HECW1: variants seen among roughly 807,000 people sequenced by gnomAD.
HECW1 encodes HECT, C2 and WW domain containing E3 ubiquitin protein ligase 1.
In HECW1, 61 loss-of-function variants were observed where a neutral mutation model predicts 182.3. The ratio of observed to expected loss-of-function variants is 0.33; its 90% confidence interval spans 0.27 to 0.41. The LOEUF (loss-of-function observed/expected upper bound fraction) is 0.41, where lower values mean the gene tolerates loss of function less well. Among genes scored for constraint, HECW1 ranks in the 10% least tolerant of loss-of-function variants. HECW1 has a pLI of 1.00. For missense variants in HECW1, 1,739 were observed against 2,108.9 expected, an observed-to-expected ratio of 0.82 and a Z score of 3.44; for synonymous variants, 859 against 832.6, an observed-to-expected ratio of 1.03 and a Z score of -0.55.
At chr7:43,372,949 G>T (rs2074169996) in intron 6 of HECW1, among the ~76,000 whole-genome samples, 1 of 152,026 alleles carries the variant, frequency 6.6e-6, no homozygotes, top group Non-Finnish European at 1.5e-5. Flanking sequence ...CCATTCCTAT[G>T]GGAATGATAA....
chr7:43,445,718 A>G (rs1005263496), intron 11 of HECW1, 148 bp downstream of exon 11: 35 of 973,290 alleles, frequency 3.6e-5, no homozygotes, highest in South Asian at 1.2e-4. Flanking sequence ...ACATGTGTGC[A>G]TGTGTATCTG....
At chr7:43,283,296 C>G (rs546766188) in intron 3 of HECW1, among the ~76,000 whole-genome samples, 1 of 152,102 alleles carries the variant, frequency 6.6e-6, no homozygotes, top group South Asian at 2.1e-4. Context: ...GAGTGAACAC[C>G]GGAGTTTTTC....
At chr7:43,505,428 G>A (rs2079536553) in intron 21 of HECW1, among the ~76,000 whole-genome samples, 1 of 152,198 alleles carries the variant, frequency 6.6e-6, no homozygotes, top group South Asian at 2.1e-4. Context: ...TCTGCAGGAA[G>A]ATGAATGTTT....
intron 13 of HECW1, among the ~76,000 whole-genome samples, chr7:43,460,848 G>A (rs982301372): frequency 3.3e-5 from 5 of 152,160 alleles, no homozygotes; most frequent in Non-Finnish European, 4.4e-5. Flanking sequence ...GAGGTCAGAC[G>A]TAGGGTCAAA....
chr7:43,221,541 T>TTG (rs1796953510), intron 2 of HECW1, among the ~76,000 whole-genome samples: 1 of 20,024 alleles, frequency 5.0e-5, no homozygotes, highest in African/African-American at 4.4e-4. Flanking sequence ...AATTAGGTTT[T>TTG]TTTTTTTTTT....
intron 3 of HECW1, among the ~76,000 whole-genome samples, chr7:43,292,439 C>T (rs1285318402): frequency 6.6e-6 from 1 of 152,184 alleles, no homozygotes; most frequent in Admixed American, 6.5e-5. Context: ...GGCATCAGGG[C>T]AAAGGTGTAG....
rs116727862 is a variant in HECW1, at chr7:43,173,926, G to A, written c.-32+59535G>A. 9.0e-3 allele frequency among the ~76,000 whole-genome samples: 1,364 copies of A among 151,830 alleles called. 10 individuals are homozygous for A. Among genetic ancestry groups the A allele is most frequent in the African/African-American group, 0.029 (1,195 of 41,364 alleles). On this transcript the variant is annotated intron_variant, in intron 2 of 29. Transcript: ENST00000395891. ...GTGATCAAAGCTCACTGCAGACTAC[G>A]ACTCCTGGCTCATGTGATCCTCCCC...
At chr7:43,456,122 C>T (rs936048344) in intron 12 of HECW1, among the ~76,000 whole-genome samples, 175 bp from the exon 13 acceptor site, 45 of 152,274 alleles carry the variant, frequency 3.0e-4, no homozygotes, top group Admixed American at 9.8e-4. Flanking sequence ...TCTGAGCTCC[C>T]GAGTTCATGC....
chr7:43,265,214 C>A (rs533737802), intron 3 of HECW1, among the ~76,000 whole-genome samples: 19 of 152,280 alleles, frequency 1.2e-4, no homozygotes, highest in East Asian at 7.7e-4. Context: ...CAGCCACCAT[C>A]TCTGAGGTTG....
intron 2 of HECW1, among the ~76,000 whole-genome samples, chr7:43,130,640 G>A (rs1371630903): frequency 6.6e-6 from 1 of 152,140 alleles, no homozygotes; most frequent in African/African-American, 2.4e-5. Flanking sequence ...AGGTAACTAA[G>A]CAACACAGTA....
intron 3 of HECW1, among the ~76,000 whole-genome samples, chr7:43,273,998 G>A (rs1030451772): frequency 1.3e-5 from 2 of 151,962 alleles, no homozygotes; most frequent in Non-Finnish European, 2.9e-5. Context: ...ATTGCAGGTC[G>A]CACCACCACA....
At chr7:43,416,873 G>T (rs1350577802) in intron 8 of HECW1, among the ~76,000 whole-genome samples, 3 of 138,530 alleles carry the variant, frequency 2.2e-5, no homozygotes, top group Non-Finnish European at 4.7e-5. Context: ...GGCAATGCTC[G>T]CCCTGCTTCG....
intron 2 of HECW1, among the ~76,000 whole-genome samples, chr7:43,194,980 G>A (rs1475889629): frequency 1.3e-5 from 2 of 152,000 alleles, no homozygotes; most frequent in Non-Finnish European, 2.9e-5. Flanking sequence ...AGGCATGAGC[G>A]CCCGCTACCT....
At chr7:43,559,063 T>A (rs2082125179) in intron 29 of HECW1, among the ~76,000 whole-genome samples, 2 of 152,210 alleles carry the variant, frequency 1.3e-5, no homozygotes, top group South Asian at 4.1e-4. Flanking sequence ...TTTGTGTGTT[T>A]CTAGACAACC....
At chr7:43,408,733 C>G (rs570692390) in intron 8 of HECW1, among the ~76,000 whole-genome samples, 1 of 152,082 alleles carries the variant, frequency 6.6e-6, no homozygotes, top group Non-Finnish European at 1.5e-5. Context: ...TTGGCTGCCT[C>G]CCTGCCAGAC....
chr7:43,145,786 C>G (rs1788643402), intron 2 of HECW1, among the ~76,000 whole-genome samples: 1 of 152,128 alleles, frequency 6.6e-6, no homozygotes, highest in South Asian at 2.1e-4. Flanking sequence ...TATGAAAGAT[C>G]TGTAGGCTAC....
At chr7:43,143,374 C>T (rs947815024) in intron 2 of HECW1, among the ~76,000 whole-genome samples, 3 of 152,174 alleles carry the variant, frequency 2.0e-5, no homozygotes, top group Non-Finnish European at 4.4e-5. Flanking sequence ...GCCTCAACTT[C>T]CTGGGTTCAA....
chr7:43,126,504 G>C (rs1786259885), intron 2 of HECW1, among the ~76,000 whole-genome samples: 1 of 152,076 alleles, frequency 6.6e-6, no homozygotes, highest in South Asian at 2.1e-4. Flanking sequence ...GAGACCATTA[G>C]ACCCACAAAA....
At chr7:43,130,278 C>G (rs1041868627) in intron 2 of HECW1, among the ~76,000 whole-genome samples, 1 of 152,120 alleles carries the variant, frequency 6.6e-6, no homozygotes, top group African/African-American at 2.4e-5. Context: ...GAAATAGTTG[C>G]ATATACACAA....
Sources: gnomAD v4.1 joint callset for allele counts (sites outside exome capture counted in the v4.1 genomes callset) on GRCh38, gnomAD v4.1.1 for gene constraint, MANE v1.5 for transcripts, NCBI Gene and HGNC (gene_info 2026-07-23, HGNC 2026-07-21) for gene names.